PCED1B: variants seen among roughly 807,000 people sequenced by gnomAD.
The protein encoded by PCED1B is PC-esterase domain-containing protein 1B.
For synonymous variants in PCED1B, 251 were observed against 246.1 expected (o/e 1.02, Z -0.19); for missense variants, 573 against 573.9 (o/e 1.00, Z 0.02).
chr12:47,168,545 C>A (rs939061173), intron 2 of PCED1B, among the ~76,000 whole-genome samples: 4 of 152,050 alleles, frequency 2.6e-5, no homozygotes, highest in African/African-American at 9.7e-5. Flanking sequence ...CTATTTTAAT[C>A]TTTCCACTTG....
In PCED1B at chr12:47,235,830, T is replaced by C; in HGVS notation, c.767T>C (p.Leu256Pro). ...GTGGCCGACGCCTGGGGTGTGGAGC[T>C]GCCCCACCGCCACCCCGTGGGCGAG... ...AHVADAWGVE[L>P]PHRHPVGEWI... Residue 256 changes from leucine to proline, a missense_variant, in exon 4 of 4, where the codon CTG (leucine) becomes CCG (proline). Leu to Pro is a moderately conservative substitution (Grantham distance 98). Transcript: ENST00000546455. 1 of 1,574,924 alleles carries C rather than the reference T, an allele frequency of 6.3e-7. No individual in the cohort carries two copies. The highest frequency in any genetic ancestry group is 8.6e-7 in the Non-Finnish European group (1 of 1,160,436).
intron 2 of PCED1B, among the ~76,000 whole-genome samples, chr12:47,113,969 C>A (rs975662890): frequency 2.8e-4 from 41 of 146,026 alleles, no homozygotes; most frequent in Admixed American, 3.4e-4. Context: ...AAAAAAAACA[C>A]ACACACACAC....
chr12:47,232,592 G>A (rs925058090), intron 3 of PCED1B, among the ~76,000 whole-genome samples: 8 of 152,186 alleles, frequency 5.3e-5, no homozygotes, highest in Non-Finnish European at 7.3e-5. Context: ...TTTTGTGTAA[G>A]TAGATGAAGT....
intron 1 of PCED1B, among the ~76,000 whole-genome samples, chr12:47,087,350 A>G (rs897351252): frequency 6.6e-6 from 1 of 152,192 alleles, no homozygotes; most frequent in Non-Finnish European, 1.5e-5. Context: ...TTGTTGGTTT[A>G]TATAACCTGC....
At chr12:47,217,482 AAGAAAGAAAGAAAG>A (rs1943317557) in intron 3 of PCED1B, among the ~76,000 whole-genome samples, 2 of 115,152 alleles carry the variant, frequency 1.7e-5, no homozygotes, top group Non-Finnish European at 3.4e-5. Context: ...GAAAGAAAGA[AAGAAAGAAAGAAAG>A]AAAGAAAGAA....
chr12:47,158,061 A>G (rs939538478), intron 2 of PCED1B, among the ~76,000 whole-genome samples: 25 of 152,300 alleles, frequency 1.6e-4, no homozygotes, highest in African/African-American at 6.0e-4. Context: ...ATATTTGTTG[A>G]TGAATAATAG....
chr12:47,218,946 G>C (rs908037746), intron 3 of PCED1B, among the ~76,000 whole-genome samples: 3 of 152,090 alleles, frequency 2.0e-5, no homozygotes, highest in African/African-American at 7.2e-5. Flanking sequence ...TTCGAGACCA[G>C]CCTGGCCAAC....
At chr12:47,211,276 C>G (rs17097720) in intron 2 of PCED1B, among the ~76,000 whole-genome samples, 13,093 of 152,050 alleles carry the variant, frequency 0.086, 710 homozygotes, top group African/African-American at 0.15. Context: ...AAGGAGCACT[C>G]GATGGATGTT....
At chr12:47,138,148 A>G (rs1344151177) in intron 2 of PCED1B, 3 of 152,202 alleles carry the variant, frequency 2.0e-5, no homozygotes, top group Non-Finnish European at 4.4e-5. Flanking sequence ...ATAGGTAGCA[A>G]TGCCTCCAAA....
In PCED1B at chr12:47,235,113, T is replaced by C; in HGVS notation, c.50T>C (p.Phe17Ser). 1 of 1,532,554 alleles carries C rather than the reference T, an allele frequency of 6.5e-7. No homozygotes were observed. Among genetic ancestry groups the C allele is most frequent in the Non-Finnish European group, 8.8e-7 (1 of 1,141,704 alleles). The allele number at this position is 1,532,554 out of a possible 1,614,324, so 94.9% of individuals were successfully genotyped here. A position where few individuals can be genotyped will look rare whatever the true frequency, so the allele number is the denominator to read the frequency against. Residue 17 changes from phenylalanine to serine, a missense_variant, in exon 4 of 4, where the codon TTC becomes TCC. By Grantham distance (155) the Phe-to-Ser change is radical. Transcript: ENST00000546455. ...SEVRQLLHNK[F>S]VVILGDSVHR... ...GTGCGGCAGCTGCTTCACAATAAGT[T>C]CGTGGTCATCCTGGGGGACTCTGTG...
In PCED1B at chr12:47,235,786, C is replaced by T. The variant is rs898560286; in HGVS notation, c.723C>T (p.Ser241=). Residue 241 remains serine, a synonymous_variant, in exon 4 of 4, where the codon TCC becomes TCT. Coordinates refer to ENST00000546455, the MANE Select transcript of PCED1B (RefSeq NM_138371.3). The stretch of plus-strand genomic sequence containing the variant: ...ATGGACGTGTGCACCGCTGCCTCTC[C>T]CAGCTGCTGCTGGCCCACGTGGCCG... ...HWNGRVHRCL[S]QLLLAHVADA... 25 of 1,586,520 alleles carry T rather than the reference C, an allele frequency of 1.6e-5. No homozygotes were observed. The highest frequency in any genetic ancestry group is 2.1e-5 in the Non-Finnish European group (24 of 1,166,534).
chr12:47,089,464 A>G (rs4768772), intron 1 of PCED1B, among the ~76,000 whole-genome samples: 5,569 of 68,402 alleles, frequency 0.081, 609 homozygotes, highest in Non-Finnish European at 0.1. Context: ...AAAAATACAT[A>G]TATATATATA....
At chr12:47,151,227 A>C (rs1276722309) in intron 2 of PCED1B, among the ~76,000 whole-genome samples, 4 of 152,078 alleles carry the variant, frequency 2.6e-5, no homozygotes, top group Non-Finnish European at 5.9e-5. Flanking sequence ...TATATACAAC[A>C]GTGATCCCAT....
chr12:47,095,184 C>G (rs1233462889), intron 1 of PCED1B, among the ~76,000 whole-genome samples: 1 of 146,664 alleles, frequency 6.8e-6, no homozygotes, highest in African/African-American at 2.5e-5. Context: ...CATCTTTATT[C>G]TACTTTCATA....
intron 2 of PCED1B, among the ~76,000 whole-genome samples, chr12:47,151,701 G>A (rs1940998062): frequency 6.6e-6 from 1 of 152,166 alleles, no homozygotes. Context: ...CGAATCTGAA[G>A]GCCAGAGAGG....
At chr12:47,226,913 AT>A (rs528291164) in intron 3 of PCED1B, among the ~76,000 whole-genome samples, 2 of 151,876 alleles carry the variant, frequency 1.3e-5, no homozygotes, top group African/African-American at 4.8e-5. Context: ...TGCTATCGAC[AT>A]TTTTTTTAAA....
Position 47,217,464 on chromosome 12 carries a change from AAGAAAG to A in PCED1B, c.-58+783_-58+788del, listed in dbSNP as rs61591107. Reference sequence around the variant, plus strand: ...AGAAAGAAAGAAAGAAAGAAAAAGAAAGAAAGAGAAAGAAAGAAAGAAAGAAAGAAA... The same window carrying A: ...AGAAAGAAAGAAAGAAAGAAAAAGAAAGAAAGAAAGAAAGAAAGAAAGAAA... On this transcript the variant is annotated intron_variant, in intron 3 of 3. Transcript: ENST00000546455. Among the ~76,000 whole-genome samples the A allele has an allele frequency of 1.9e-3, 162 of 87,250 alleles. 3 individuals carry two copies. The highest frequency in any genetic ancestry group is 9.1e-3 in the African/African-American group (157 of 17,244). The allele number at this position is 87,250 out of a possible 152,430, so 57.2% of individuals were successfully genotyped here. A position where few individuals can be genotyped will look rare whatever the true frequency, so the allele number is the denominator to read the frequency against.
At chr12:47,086,979 G>A (rs563619129) in intron 1 of PCED1B, among the ~76,000 whole-genome samples, 11 of 152,132 alleles carry the variant, frequency 7.2e-5, no homozygotes, top group African/African-American at 1.2e-4. Flanking sequence ...ACCAACCAAC[G>A]TTAACACTAA....
chr12:47,170,202 C>T (rs376006195), intron 2 of PCED1B, among the ~76,000 whole-genome samples: 18 of 152,086 alleles, frequency 1.2e-4, no homozygotes, highest in South Asian at 6.2e-4. Context: ...TCAGAGAGCA[C>T]GGGGTTGGGG....
Sources: allele counts gnomAD v4.1 joint callset (sites outside exome capture counted in the v4.1 genomes callset), GRCh38; gene constraint gnomAD v4.1.1; transcripts MANE v1.5; gene names NCBI Gene and HGNC (gene_info 2026-07-23, HGNC 2026-07-21).